NAA16: variants seen among roughly 807,000 people sequenced by gnomAD.
NAA16 encodes N-alpha-acetyltransferase 16, NatA auxiliary subunit, also known as NARG1-like protein.
A neutral mutation model predicts 110.3 loss-of-function variants in NAA16; 97 were observed. That is an observed-to-expected ratio of 0.88 (90% CI 0.75 to 1.04). The LOEUF is 1.04. Ranked by LOEUF, NAA16 falls within the 50% of genes least tolerant of loss-of-function variation. The probability of loss-of-function intolerance (pLI) is 0.00; values close to 1 mark genes in which losing one functional copy is unlikely to be tolerated. For synonymous variants in NAA16, 372 were observed against 330.6 expected (o/e 1.13, Z -1.36); for missense variants, 1,017 against 1,005.1 (o/e 1.01, Z -0.16).
Position 41,318,905 on chromosome 13 carries a change from ATGTC to A in NAA16, c.243_244+2del. On this transcript the variant is annotated frameshift_variant and splice_region_variant, in exon 3 of 20. Coordinates refer to ENST00000379406, the MANE Select transcript of NAA16 (RefSeq NM_024561.5). LOFTEE classifies it high-confidence loss of function. ...GGACTTCGTAATGATGTCAAGAGTC[ATGTC>A]TGTATCCTTTTGCAGTAGTTAAATA... 6.4e-7 allele frequency: 1 copy of A among 1,569,212 alleles called. No individual in the cohort carries two copies. The highest frequency in any genetic ancestry group is 8.7e-7 in the Non-Finnish European group (1 of 1,155,132).
chr13:41,324,883 T>TA (rs1566249203), intron 5 of NAA16, among the ~76,000 whole-genome samples: 1 of 151,914 alleles, frequency 6.6e-6, no homozygotes, highest in Non-Finnish European at 1.5e-5. Context: ...TGTTGTGTTT[T>TA]TTTTTTTTAA....
Position 41,367,468 on chromosome 13 carries a change from C to T in NAA16, c.1569C>T (p.Phe523=), listed in dbSNP as rs770655052. The T allele has an allele frequency of 7.5e-6, 12 of 1,599,352 alleles. No individual in the cohort carries two copies. Among genetic ancestry groups the T allele is most frequent in the African/African-American group, 5.4e-5 (4 of 74,386 alleles). The change falls in exon 14 of 20, where the codon TTC becomes TTT. Residue 523 remains phenylalanine (F), a synonymous_variant. Coordinates refer to ENST00000379406, the MANE Select transcript of NAA16 (RefSeq NM_024561.5). ...RHFFEITDDQ[F]DFHTYCMRKM... ...TTTTTGAGATAACTGATGACCAATT[C>T]GACTTCCATACATACTGCATGAGAA...
intron 9 of NAA16, among the ~76,000 whole-genome samples, chr13:41,350,540 C>T (rs1430400367): frequency 6.6e-6 from 1 of 151,416 alleles, no homozygotes; most frequent in Non-Finnish European, 1.5e-5. Flanking sequence ...TCATGATCCA[C>T]CCGCCTCGGC....
Position 41,358,304 on chromosome 13 carries a change from A to C in NAA16, c.1088A>C (p.Glu363Ala), listed in dbSNP as rs1225702697. 6.2e-7 allele frequency: 1 copy of C among 1,609,568 alleles called. No individual in the cohort carries two copies. The highest frequency in any genetic ancestry group is 2.2e-5 in the East Asian group (1 of 44,840). Residue 363 changes from glutamate to alanine, a missense_variant and splice_region_variant, in exon 11 of 20, where the codon GAG (glutamate) becomes GCG (alanine). Transcript: ENST00000379406. ...TAATTTAATATTTGTTTGATTGCAG[A>C]GAATGGGGAGAAGGAACCCCCGACA... Reference protein sequence around the residue: ...LKTCDFFSPYENGEKEPPTTL... With the variant: ...LKTCDFFSPYANGEKEPPTTL...
At chr13:41,354,032 A>G (rs1020005176) in intron 9 of NAA16, among the ~76,000 whole-genome samples, 1 of 152,206 alleles carries the variant, frequency 6.6e-6, no homozygotes, top group African/African-American at 2.4e-5. Flanking sequence ...TACATGTTTT[A>G]GTGAAGTCAT....
chr13:41,339,513 T>C (rs766575668), intron 9 of NAA16, among the ~76,000 whole-genome samples: 1 of 152,194 alleles, frequency 6.6e-6, no homozygotes, highest in Admixed American at 6.5e-5. Flanking sequence ...TGGAAGGCAA[T>C]GAGTGGTTGT....
At chr13:41,320,589 T>C in intron 3 of NAA16, 78 bp from the exon 4 acceptor site, 1 of 1,307,080 alleles carries the variant, frequency 7.7e-7, no homozygotes. Flanking sequence ...ACCATTTCCT[T>C]AATGTAACTT....
At chr13:41,317,327 G>C (rs1593405721) in intron 2 of NAA16, among the ~76,000 whole-genome samples, 1 of 151,664 alleles carries the variant, frequency 6.6e-6, no homozygotes, top group Non-Finnish European at 1.5e-5. Context: ...TTTGGTAGAT[G>C]TGTTTTGTTT....
chr13:41,366,499 G>A (rs1209514565), intron 13 of NAA16, among the ~76,000 whole-genome samples: 1 of 152,136 alleles, frequency 6.6e-6, no homozygotes, highest in Admixed American at 6.6e-5. Context: ...AATGCATGCA[G>A]GGGAACAGTA....
intron 13 of NAA16, chr13:41,362,921 C>T (rs7986015): frequency 0.93 from 1,023,751 of 1,097,906 alleles, 477,596 homozygotes; most frequent in South Asian, 0.98. Context: ...CTTTTTCCCA[C>T]GTGAAATTTC....
In NAA16 at chr13:41,311,505, C is replaced by A. The variant is rs2041556408; in HGVS notation, c.-24C>A. The A allele has an allele frequency of 6.3e-7, 1 of 1,586,550 alleles. No homozygotes were observed. Among genetic ancestry groups the A allele is most frequent in the Non-Finnish European group, 8.6e-7 (1 of 1,167,330 alleles). ...CCGGGCACCTAGCCTCCCTGCCGGC[C>A]ACCTAGCCTCCCTGCCGGCCACGAT... On this transcript the variant is annotated 5_prime_UTR_variant, in exon 1 of 20. Transcript: ENST00000379406.
intron 13 of NAA16, among the ~76,000 whole-genome samples, chr13:41,363,536 T>C (rs955902215): frequency 5.9e-5 from 9 of 152,324 alleles, no homozygotes; most frequent in Non-Finnish European, 1.2e-4. Context: ...TTTTAGAATA[T>C]GATAAGTGGA....
Position 41,336,697 on chromosome 13 carries a change from A to G in NAA16, c.955A>G (p.Ser319Gly). The G allele has an allele frequency of 6.2e-7, 1 of 1,610,208 alleles. No individual in the cohort carries two copies. Residue 319 changes from serine to glycine, a missense_variant, in exon 9 of 20, where the codon AGT (serine) becomes GGT (glycine). Physicochemically the swap from Ser to Gly is moderately conservative, Grantham distance 56. Coordinates refer to ENST00000379406, the MANE Select transcript of NAA16 (RefSeq NM_024561.5). ...LMDKFLRVNF[S>G]KGCPPLFTTL... is the part of the protein sequence containing the mutation. ...GGATAAGTTCCTGAGGGTTAACTTC[A>G]GTAAAGGCTGCCCACCCTTGTTTAC...
chr13:41,364,568 GTTTT>G (rs1036720941), intron 13 of NAA16, among the ~76,000 whole-genome samples: 8 of 152,036 alleles, frequency 5.3e-5, no homozygotes, highest in Non-Finnish European at 8.8e-5. Context: ...CAAGAATTGA[GTTTT>G]CTTTCTTTCC....
In NAA16 at chr13:41,373,715, A is replaced by AT. The variant is rs770181944; in HGVS notation, c.2237dup (p.Leu746PhefsTer5). On this transcript the variant is annotated frameshift_variant, in exon 18 of 20. Coordinates refer to ENST00000379406, the MANE Select transcript of NAA16 (RefSeq NM_024561.5). LOFTEE classifies it high-confidence loss of function. ...ATGCAGAAAATATTTGTCAAAAAGG[A>AT]TTTGGAAAGTTTTAATGAGGATTTT... 4 of 1,611,048 alleles carry AT rather than the reference A, an allele frequency of 2.5e-6. No individual in the cohort carries two copies. The Admixed American group carries it at 5.0e-5, about 20-fold the overall frequency.
chr13:41,319,349 T>A (rs925895903), intron 3 of NAA16, among the ~76,000 whole-genome samples: 1 of 152,188 alleles, frequency 6.6e-6, no homozygotes, highest in African/African-American at 2.4e-5. Context: ...TTTTAGACAT[T>A]TGAGAAGAAA....
rs915393186 is a variant in NAA16 at position 41,373,615 on chromosome 13, C to T, written c.2156-22C>T. On this transcript the variant is annotated intron_variant, in intron 17 of 19. Transcript: ENST00000379406. ...AAAGGACAGATCAAAAACAAAAAAT[C>T]CAAATGTTTTTGTTTTTATAGTGTC... The T allele has an allele frequency of 2.6e-6, 4 of 1,541,484 alleles. No homozygotes were observed. The South Asian group carries it at 5.0e-5, about 19-fold the overall frequency.
At chr13:41,327,246 GTAAATAA>G (rs2042117219) in intron 6 of NAA16, among the ~76,000 whole-genome samples, 1 of 148,912 alleles carries the variant, frequency 6.7e-6, no homozygotes, top group African/African-American at 2.6e-5. Flanking sequence ...TAAAATATGG[GTAAATAA>G]TTAAATATTC....
rs984841131 is a variant in NAA16 at position 41,358,418 on chromosome 13, T to C, written c.1202T>C (p.Ile401Thr). 1.5e-5 allele frequency: 24 copies of C among 1,613,330 alleles called. 1 individual carries two copies. The highest frequency in any genetic ancestry group is 1.2e-4 in the Admixed American group (7 of 60,026). The change falls in exon 11 of 20, where the codon ATT becomes ACT. Residue 401 changes from isoleucine (I) to threonine (T), a missense_variant. By Grantham distance (89) the Ile-to-Thr change is moderately conservative. Transcript: ENST00000379406. ...SLALDYINAA[I>T]ASTPTLIELF... ...GCTTTGGATTATATTAATGCTGCAA[T>C]TGCTAGTACTCCAACTCTAATAGAA...
Sources: allele counts gnomAD v4.1 joint callset (sites outside exome capture counted in the v4.1 genomes callset), GRCh38; gene constraint gnomAD v4.1.1; transcripts MANE v1.5; gene names NCBI Gene and HGNC (gene_info 2026-07-23, HGNC 2026-07-21).